ASXL2: variants seen among roughly 807,000 people sequenced by gnomAD.
The protein encoded by ASXL2 is putative Polycomb group protein ASXL2.
ASXL2 carries 23 observed loss-of-function variants against 122.0 expected under a neutral mutation model. The observed-to-expected ratio is 0.19, with a 90% CI of 0.14 to 0.27. The LOEUF (loss-of-function observed/expected upper bound fraction) is 0.27, where lower values mean the gene tolerates loss of function less well. Ranked by LOEUF, ASXL2 falls within the 10% of genes least tolerant of loss-of-function variation. The pLI, the probability that ASXL2 is intolerant of heterozygous loss-of-function variation, is 1.00. For missense variants in ASXL2, 1,518 were observed against 1,713.8 expected (o/e 0.89, Z 2.02); for synonymous variants, 650 against 637.0 (o/e 1.02, Z -0.31).
chr2:25,771,979 T>G (rs2088463990), intron 5 of ASXL2, among the ~76,000 whole-genome samples: 1 of 152,210 alleles, frequency 6.6e-6, no homozygotes, highest in Non-Finnish European at 1.5e-5. Context: ...ACCACAGTTT[T>G]AATCCTTACA....
chr2:25,830,362 C>T (rs976517115), intron 3 of ASXL2, among the ~76,000 whole-genome samples: 15 of 152,234 alleles, frequency 9.9e-5, no homozygotes, highest in Admixed American at 2.6e-4. Flanking sequence ...CCGAATGCAG[C>T]GGCTCACGCC....
At chr2:25,758,629 G>A (rs2088181286) in intron 9 of ASXL2, among the ~76,000 whole-genome samples, 1 of 150,676 alleles carries the variant, frequency 6.6e-6, no homozygotes. Context: ...AAGCTCTCTG[G>A]TCCCTGCCTT....
At chr2:25,860,699 A>G (rs181258526) in intron 1 of ASXL2, among the ~76,000 whole-genome samples, 31 of 114,978 alleles carry the variant, frequency 2.7e-4, no homozygotes, top group African/African-American at 1.0e-3. Context: ...CGACAGAGAG[A>G]GACTCCATCT....
At position 25,741,533 on chromosome 2, in the gene ASXL2, A is replaced by C. The variant is rs1397132331; in HGVS notation, c.*496T>G. The C allele has an allele frequency of 4.3e-6, 1 of 231,082 alleles. No homozygotes were observed. Among genetic ancestry groups the C allele is most frequent in the Admixed American group, 5.5e-5 (1 of 18,180 alleles). The allele number at this position is 231,082 out of a possible 1,614,324, so 14.3% of individuals were successfully genotyped here. A position where few individuals can be genotyped will look rare whatever the true frequency, so the allele number is the denominator to read the frequency against. On this transcript the variant is annotated 3_prime_UTR_variant, in exon 13 of 13. Coordinates refer to ENST00000435504, the MANE Select transcript of ASXL2 (RefSeq NM_018263.6). Reference sequence around the variant, plus strand: ...AATCCAAGTCCTGCAAAGGCTGAATAATCTATGAATAACCTGCGGCCAGAC... The same window carrying C: ...AATCCAAGTCCTGCAAAGGCTGAATCATCTATGAATAACCTGCGGCCAGAC...
intron 1 of ASXL2, chr2:25,856,801 T>C: frequency 8.2e-7 from 1 of 1,226,212 alleles, no homozygotes; most frequent in Non-Finnish European, 1.2e-6. Flanking sequence ...TTGGGGTTGG[T>C]GACTGTCAGG....
intron 9 of ASXL2, among the ~76,000 whole-genome samples, chr2:25,758,676 T>G (rs962217841): frequency 1.5e-5 from 2 of 136,234 alleles, no homozygotes; most frequent in Non-Finnish European, 3.2e-5. Flanking sequence ...TTTTTGCTAC[T>G]TTTGTTTTTT....
At chr2:25,752,330 A>G (rs1243949193) in intron 11 of ASXL2, among the ~76,000 whole-genome samples, 2 of 152,072 alleles carry the variant, frequency 1.3e-5, no homozygotes, top group African/African-American at 4.8e-5. Context: ...TCACTGTTGG[A>G]TCTTTTGTTG....
intron 5 of ASXL2, among the ~76,000 whole-genome samples, chr2:25,781,932 G>A (rs1408305173): frequency 1.4e-5 from 2 of 142,150 alleles, no homozygotes; most frequent in African/African-American, 5.2e-5. Flanking sequence ...AAAGTGCTAG[G>A]ATAACAGGCG....
intron 5 of ASXL2, among the ~76,000 whole-genome samples, chr2:25,791,581 T>G (rs986770751): frequency 3.9e-5 from 6 of 151,972 alleles, no homozygotes; most frequent in Non-Finnish European, 5.9e-5. Flanking sequence ...TTTCTTTCCC[T>G]CCACAAATCC....
At chr2:25,870,464 C>G (rs992524511) in intron 1 of ASXL2, among the ~76,000 whole-genome samples, 5 of 152,114 alleles carry the variant, frequency 3.3e-5, no homozygotes, top group Non-Finnish European at 1.5e-5. Context: ...GCGGAGGTTG[C>G]AGTGAGCCAA....
intron 5 of ASXL2, among the ~76,000 whole-genome samples, chr2:25,779,213 C>G (rs534896796): frequency 2.7e-5 from 4 of 150,132 alleles, no homozygotes; most frequent in African/African-American, 9.8e-5. Flanking sequence ...TCTCCTGTCT[C>G]AGCCTCCCGA....
intron 11 of ASXL2, among the ~76,000 whole-genome samples, chr2:25,752,436 G>A (rs899159372): frequency 1.3e-5 from 2 of 152,182 alleles, no homozygotes; most frequent in African/African-American, 4.8e-5. Flanking sequence ...TTACAGAGGA[G>A]AGGCTCTTTA....
At position 25,750,038 on chromosome 2, in the gene ASXL2, G is replaced by A; in HGVS notation, c.1518C>T (p.Leu506=). ...SAEQESEKNH[L]TTASNYNKSE... is the part of the protein sequence containing the mutation. Reference sequence around the variant, plus strand: ...TTTTGTTATAATTAGAAGCTGTGGTGAGATGGTTCTTCTCAGATTCCTGTT... The same window carrying A: ...TTTTGTTATAATTAGAAGCTGTGGTAAGATGGTTCTTCTCAGATTCCTGTT... Residue 506 remains leucine (L), a synonymous_variant, in exon 12 of 13, where the codon CTC becomes CTT. Transcript: ENST00000435504. The A allele has an allele frequency of 1.9e-6, 3 of 1,613,984 alleles. No individual in the cohort carries two copies. Among genetic ancestry groups the A allele is most frequent in the Non-Finnish European group, 2.5e-6 (3 of 1,179,904 alleles).
chr2:25,776,411 T>C (rs1028587807), intron 5 of ASXL2, among the ~76,000 whole-genome samples: 1 of 152,246 alleles, frequency 6.6e-6, no homozygotes, highest in Non-Finnish European at 1.5e-5. Context: ...GATCAGCTGA[T>C]GAACATTTGG....
At chr2:25,854,082 T>C (rs943886983) in intron 1 of ASXL2, among the ~76,000 whole-genome samples, 4 of 152,142 alleles carry the variant, frequency 2.6e-5, no homozygotes, top group Admixed American at 2.0e-4. Flanking sequence ...GAAGCTGACA[T>C]TGTAAGCTCA....
At chr2:25,834,345 T>A (rs2089485089) in intron 3 of ASXL2, among the ~76,000 whole-genome samples, 1 of 151,280 alleles carries the variant, frequency 6.6e-6, no homozygotes, top group African/African-American at 2.5e-5. Flanking sequence ...AGAGTGAGAC[T>A]CTGTCTCCAA....
At chr2:25,777,123 C>G (rs1574410852) in intron 5 of ASXL2, among the ~76,000 whole-genome samples, 1 of 152,138 alleles carries the variant, frequency 6.6e-6, no homozygotes, top group African/African-American at 2.4e-5. Context: ...GGGTCTCACT[C>G]TGTTGCCCAG....
intron 1 of ASXL2, among the ~76,000 whole-genome samples, chr2:25,866,786 G>A (rs1443074659): frequency 2.0e-5 from 3 of 152,168 alleles, no homozygotes; most frequent in Admixed American, 2.0e-4. Context: ...AGGCTGGAGT[G>A]CACAGGTATG....
Position 25,737,403 on chromosome 2 carries a change from C to T in ASXL2, c.*4626G>A, listed in dbSNP as rs1574385761. 1 of 151,842 alleles carries T rather than the reference C, an allele frequency of 6.6e-6. No individual in the cohort carries two copies. The highest frequency in any genetic ancestry group is 2.1e-4 in the South Asian group (1 of 4,808). The allele number at this position is 151,842 out of a possible 1,614,324, so 9.4% of individuals were successfully genotyped here. Reference sequence around the variant, plus strand: ...GGGCACATTAATAAAGAGGCTGCACCGCATTTCTTCACTTTTCCAGTAATG... The same window carrying T: ...GGGCACATTAATAAAGAGGCTGCACTGCATTTCTTCACTTTTCCAGTAATG... On this transcript the variant is annotated 3_prime_UTR_variant, in exon 13 of 13. Coordinates refer to ENST00000435504, the MANE Select transcript of ASXL2 (RefSeq NM_018263.6).
Sources: gnomAD v4.1 joint callset for allele counts (sites outside exome capture counted in the v4.1 genomes callset) on GRCh38, gnomAD v4.1.1 for gene constraint, MANE v1.5 for transcripts, NCBI Gene and HGNC (gene_info 2026-07-23, HGNC 2026-07-21) for gene names.